TDP1: variants seen among roughly 807,000 people sequenced by gnomAD.
TDP1 encodes the protein tyr-DNA phosphodiesterase 1.
TDP1 carries 64 observed loss-of-function variants against 81.5 expected under a neutral mutation model. That is an observed-to-expected ratio of 0.79 (90% CI 0.64 to 0.97). The LOEUF (loss-of-function observed/expected upper bound fraction) is 0.97, where lower values mean the gene tolerates loss of function less well. TDP1 is among the 50% of genes least tolerant of loss of function. The pLI is 0.00. For synonymous variants in TDP1, 256 were observed against 264.3 expected, an observed-to-expected ratio of 0.97 and a Z score of 0.30; for missense variants, 723 against 743.8, an observed-to-expected ratio of 0.97 and a Z score of 0.33.
intron 15 of TDP1, among the ~76,000 whole-genome samples, chr14:90,024,617 G>A (rs749216271): frequency 1.3e-5 from 2 of 152,206 alleles, no homozygotes; most frequent in African/African-American, 4.8e-5. Context: ...TTCACAAACT[G>A]TGTTGTAAAG....
intron 3 of TDP1, among the ~76,000 whole-genome samples, chr14:89,964,575 C>T (rs552813477): frequency 6.6e-6 from 1 of 152,044 alleles, no homozygotes; most frequent in Non-Finnish European, 1.5e-5. Context: ...CAGTGTTGTT[C>T]TTTTTTTATA....
At position 89,971,081 on chromosome 14, in the gene TDP1, C is replaced by T. The variant is rs570628976; in HGVS notation, c.660-94C>T. ...GAACTCCTGACCTCAGGTAGTCCAC[C>T]TGCCTCGGCCTCCCAAGGTGCCGGG... On this transcript the variant is annotated intron_variant, in intron 5 of 16. Transcript: ENST00000335725. The T allele has an allele frequency of 1.4e-5, 15 of 1,067,664 alleles. No homozygotes were observed. The East Asian group carries it at 3.0e-4, about 22-fold the overall frequency. The allele number at this position is 1,067,664 out of a possible 1,614,324, so 66.1% of individuals were successfully genotyped here.
At chr14:90,002,113 T>C (rs2140178762) in intron 14 of TDP1, among the ~76,000 whole-genome samples, 1 of 152,302 alleles carries the variant, frequency 6.6e-6, no homozygotes, top group African/African-American at 2.4e-5. Flanking sequence ...ATAAAGAAGG[T>C]ATGTCTTCCC....
At chr14:89,979,599 G>A (rs1007494128) in intron 7 of TDP1, among the ~76,000 whole-genome samples, 1 of 152,142 alleles carries the variant, frequency 6.6e-6, no homozygotes, top group Admixed American at 6.5e-5. Context: ...ATGAGCCACC[G>A]TGCCTGGCAG....
rs1178765115 is a variant in TDP1 at position 89,984,588 on chromosome 14, T to A, written c.957T>A (p.Phe319Leu). ...AATCTGGAGAGTCGCCAACACATTTTAAAGCTGATCTCATCAGTTACTTGA... is the reference window on the plus strand; with the variant it reads ...AATCTGGAGAGTCGCCAACACATTTAAAAGCTGATCTCATCAGTTACTTGA... The part of the protein sequence containing the change: ...THKSGESPTH[F>L]KADLISYLMA... Residue 319 changes from phenylalanine to leucine, a missense_variant, in exon 9 of 17, where the codon TTT (phenylalanine) becomes TTA (leucine). Physicochemically the swap from Phe to Leu is conservative, Grantham distance 22 (BLOSUM62 0). Transcript: ENST00000335725. The A allele has an allele frequency of 6.2e-7, 1 of 1,614,172 alleles. No individual in the cohort carries two copies. Among genetic ancestry groups the A allele is most frequent in the Non-Finnish European group, 8.5e-7 (1 of 1,180,014 alleles).
intron 8 of TDP1, chr14:89,981,546 T>C (rs1894980327): frequency 2.2e-6 from 1 of 447,314 alleles, no homozygotes; most frequent in South Asian, 1.6e-5. Context: ...GACGTTTGTC[T>C]AGCACCATTT....
At chr14:89,997,681 G>C (rs1896759646) in intron 14 of TDP1, among the ~76,000 whole-genome samples, 3 of 152,102 alleles carry the variant, frequency 2.0e-5, no homozygotes, top group Admixed American at 2.0e-4. Flanking sequence ...ATATCAGGTG[G>C]GCTTTTCATG....
chr14:90,032,912 T>G (rs140464350), intron 15 of TDP1, 194 bp from the exon 16 acceptor site: 7 of 959,886 alleles, frequency 7.3e-6, no homozygotes, highest in East Asian at 1.2e-4. Flanking sequence ...AAAGCTCTTA[T>G]GTTTAGAAAG....
chr14:90,033,467 A>T, intron 16 of TDP1: 1 of 515,858 alleles, frequency 1.9e-6, no homozygotes, highest in Non-Finnish European at 3.5e-6. Flanking sequence ...TAAACCCCTC[A>T]TGAATTGAAA....
At chr14:89,988,340 G>A (rs919897184) in intron 10 of TDP1, among the ~76,000 whole-genome samples, 2 of 152,126 alleles carry the variant, frequency 1.3e-5, no homozygotes, top group African/African-American at 4.8e-5. Flanking sequence ...CTGGAGGATG[G>A]GGGGTTGTGC....
chr14:89,994,492 T>G (rs1023418039), intron 14 of TDP1, among the ~76,000 whole-genome samples: 1 of 152,198 alleles, frequency 6.6e-6, no homozygotes, highest in African/African-American at 2.4e-5. Context: ...TCACAGAAAT[T>G]ACGTATTATT....
At chr14:90,020,529 CT>C (rs1885898764) in intron 15 of TDP1, among the ~76,000 whole-genome samples, 1 of 49,894 alleles carries the variant, frequency 2.0e-5, no homozygotes, top group Non-Finnish European at 3.7e-5. Context: ...CCCTCCCTCC[CT>C]TCCTTCCCTC....
At chr14:90,018,010 G>T (rs1215605710) in intron 14 of TDP1, among the ~76,000 whole-genome samples, 1 of 151,646 alleles carries the variant, frequency 6.6e-6, no homozygotes, top group East Asian at 1.9e-4. Flanking sequence ...CGCTTCAAGA[G>T]TTTTCCTTAG....
At chr14:89,995,280 C>G (rs1896569254) in intron 14 of TDP1, among the ~76,000 whole-genome samples, 1 of 152,152 alleles carries the variant, frequency 6.6e-6, no homozygotes, top group African/African-American at 2.4e-5. Context: ...TTAATTCTCA[C>G]AACAGCTGCA....
intron 14 of TDP1, among the ~76,000 whole-genome samples, chr14:90,012,498 CT>C (rs1038407521): frequency 1.3e-5 from 2 of 151,042 alleles, no homozygotes; most frequent in Admixed American, 6.6e-5. Flanking sequence ...CTGGAGCAAA[CT>C]TTTGCCTGGA....
In TDP1 at chr14:89,969,580, G is replaced by A. The variant is rs76648049; in HGVS notation, c.660-1595G>A. On this transcript the variant is annotated intron_variant, in intron 5 of 16. Coordinates refer to ENST00000335725, the MANE Select transcript of TDP1 (RefSeq NM_018319.4). ...TTTTATTTCTAGGTGCTAGATGCAC[G>A]TGTGTTTCTTACATTATTCTGTTTT... Among the ~76,000 whole-genome samples the A allele has an allele frequency of 7.3e-3, 1,105 of 152,218 alleles. 4 individuals are homozygous for A. The highest frequency in any genetic ancestry group is 0.012 in the Non-Finnish European group (803 of 68,014).
intron 14 of TDP1, among the ~76,000 whole-genome samples, chr14:90,006,082 G>A (rs35394566): frequency 0.021 from 3,208 of 152,234 alleles, 74 homozygotes; most frequent in South Asian, 0.067. Flanking sequence ...ACTGCTTGTC[G>A]GGGGAGGGTC....
At chr14:90,013,250 T>C (rs1323380948) in intron 14 of TDP1, among the ~76,000 whole-genome samples, 2 of 152,136 alleles carry the variant, frequency 1.3e-5, no homozygotes, top group African/African-American at 4.8e-5. Context: ...ACATGAGATT[T>C]GGGAGGGGTA....
chr14:89,978,442 A>G (rs1894599142), intron 7 of TDP1, among the ~76,000 whole-genome samples: 1 of 152,190 alleles, frequency 6.6e-6, no homozygotes, highest in Non-Finnish European at 1.5e-5. Flanking sequence ...GCCATATGTT[A>G]GTTCTCTTCC....
Sources: allele counts gnomAD v4.1 joint callset (sites outside exome capture counted in the v4.1 genomes callset), GRCh38; gene constraint gnomAD v4.1.1; transcripts MANE v1.5; gene names NCBI Gene and HGNC (gene_info 2026-07-23, HGNC 2026-07-21).